The following PTPN21 variants were observed in gnomAD, a reference collection of about 807,000 sequenced individuals.
PTPN21 encodes the protein protein tyrosine phosphatase non-receptor type 21.
Under a neutral mutation model 131.8 loss-of-function variants are expected in PTPN21, and 77 were observed. That is an observed-to-expected ratio of 0.58 (90% CI 0.49 to 0.71). The LOEUF (loss-of-function observed/expected upper bound fraction) is 0.71. Among genes scored for constraint, PTPN21 ranks in the 30% least tolerant of loss-of-function variants. PTPN21 has a pLI of 0.00. For synonymous variants in PTPN21, 715 were observed against 621.3 expected (o/e 1.15, Z -2.24); for missense variants, 1,552 against 1,527.1 (o/e 1.02, Z -0.27).
At position 88,523,916 on chromosome 14, in the gene PTPN21, G is replaced by A. The variant is rs528482359; in HGVS notation, c.181-6655C>T. 8.5e-5 allele frequency among the ~76,000 whole-genome samples: 13 copies of A among 152,240 alleles called. No individual in the cohort carries two copies. In the South Asian group the frequency reaches 1.7e-3, roughly 19 times the overall value. ...GAACAAAATATGTAGGAATAAATTTGACCAAGAAGGTGAAAAGGCATATAC... is the reference window on the plus strand; with the variant it reads ...GAACAAAATATGTAGGAATAAATTTAACCAAGAAGGTGAAAAGGCATATAC... On this transcript the variant is annotated intron_variant, in intron 2 of 18. Transcript: ENST00000556564.
Position 88,504,479 on chromosome 14 carries a change from T to C in PTPN21, c.533A>G (p.Glu178Gly). The C allele has an allele frequency of 6.2e-7, 1 of 1,612,840 alleles. No homozygotes were observed. Among genetic ancestry groups the C allele is most frequent in the Non-Finnish European group, 8.5e-7 (1 of 1,178,868 alleles). ...ALFPVGWLQDEKVLEEATQKV... is the reference protein window; with the variant it reads ...ALFPVGWLQDGKVLEEATQKV... ...TTGGGTTGCTTCTTCCAATACTTTT[T>C]CATCTTGTAACCATCCCTGAAGAAA... is the stretch of plus-strand genomic sequence containing the variant. Residue 178 changes from glutamate to glycine, a missense_variant, in exon 6 of 19, where the codon GAA becomes GGA. Coordinates refer to ENST00000556564, the MANE Select transcript of PTPN21 (RefSeq NM_007039.4).
At chr14:88,521,038 G>T (rs894897430) in intron 2 of PTPN21, among the ~76,000 whole-genome samples, 2 of 151,934 alleles carry the variant, frequency 1.3e-5, no homozygotes, top group Middle Eastern at 3.4e-3. Context: ...GTCAAGAGAG[G>T]GTCTCACTAT....
At chr14:88,550,217 C>T (rs1566857553) in intron 2 of PTPN21, 21 bp downstream of exon 2, 1 of 1,607,088 alleles carries the variant, frequency 6.2e-7, no homozygotes, top group South Asian at 1.1e-5. Flanking sequence ...GCCTGGCCTG[C>T]AGTGTCTTTA....
At chr14:88,509,995 C>T (rs1288047472) in intron 3 of PTPN21, among the ~76,000 whole-genome samples, 1 of 151,942 alleles carries the variant, frequency 6.6e-6, no homozygotes, top group Non-Finnish European at 1.5e-5. Context: ...AAGATGGTGC[C>T]ATTGCACTCC....
rs748590887 is a variant in PTPN21, at chr14:88,468,079, CTTTT to C, written c.*54_*57del. On this transcript the variant is annotated 3_prime_UTR_variant, in exon 19 of 19. Transcript: ENST00000556564. ...CGGGAAAGTATGAGTTAGGCAAGCG[CTTTT>C]TTTTTAAGCTGTAAACGCTTCACAT... is the stretch of plus-strand genomic sequence containing the variant. 1.2e-5 allele frequency: 19 copies of C among 1,564,880 alleles called. No individual in the cohort carries two copies. The highest frequency in any genetic ancestry group is 8.2e-5 in the African/African-American group (6 of 73,054).
At chr14:88,530,266 T>C (rs1315098324) in intron 2 of PTPN21, among the ~76,000 whole-genome samples, 1 of 134,530 alleles carries the variant, frequency 7.4e-6, no homozygotes, top group African/African-American at 2.5e-5. Flanking sequence ...CTACAAAAAA[T>C]GCTGAAAGGA....
intron 3 of PTPN21, chr14:88,515,599 T>C (rs996759797): frequency 1.3e-5 from 2 of 152,212 alleles, no homozygotes; most frequent in South Asian, 2.1e-4. Context: ...TCCCCCTGCT[T>C]TGCAAAAACT....
chr14:88,515,714 A>C (rs974487663), intron 3 of PTPN21, among the ~76,000 whole-genome samples: 1 of 152,194 alleles, frequency 6.6e-6, no homozygotes, highest in Non-Finnish European at 1.5e-5. Flanking sequence ...CTTTAATTAA[A>C]GCATTTATTA....
rs1307487104 is a variant in PTPN21 at position 88,518,294 on chromosome 14, A to G, written c.181-1033T>C. Among the ~76,000 whole-genome samples the G allele has an allele frequency of 1.9e-4, 21 of 112,298 alleles. No homozygotes were observed. In the East Asian group the frequency reaches 4.9e-3, roughly 26 times the overall value. 73.7% of individuals were successfully genotyped at this position (112,298 alleles called of 152,430 possible). On this transcript the variant is annotated intron_variant, in intron 2 of 18. Transcript: ENST00000556564. Reference sequence around the variant, plus strand: ...TATATACACACACACATACGCACACACACACACATATATGTGTATATATAC... The same window carrying G: ...TATATACACACACACATACGCACACGCACACACATATATGTGTATATATAC...
At chr14:88,491,215 G>A (rs1269382037) in intron 10 of PTPN21, among the ~76,000 whole-genome samples, 1 of 152,136 alleles carries the variant, frequency 6.6e-6, no homozygotes, top group Admixed American at 6.6e-5. Context: ...GGGGGTGGAG[G>A]GAGAAGGCTG....
At chr14:88,537,061 C>G (rs935912753) in intron 2 of PTPN21, among the ~76,000 whole-genome samples, 1 of 152,102 alleles carries the variant, frequency 6.6e-6, no homozygotes, top group Non-Finnish European at 1.5e-5. Flanking sequence ...TTCTTCTATA[C>G]TTGATCAAAT....
chr14:88,546,851 T>C (rs1457059844), intron 2 of PTPN21, among the ~76,000 whole-genome samples: 1 of 152,200 alleles, frequency 6.6e-6, no homozygotes, highest in Admixed American at 6.5e-5. Context: ...AGATTAGGCC[T>C]GATGCCTGAG....
chr14:88,519,484 G>C (rs1477799317), intron 2 of PTPN21, among the ~76,000 whole-genome samples: 1 of 152,172 alleles, frequency 6.6e-6, no homozygotes, highest in Non-Finnish European at 1.5e-5. Flanking sequence ...AGTGGCTACT[G>C]TATTGGATAG....
chr14:88,520,533 A>T (rs1278640203), intron 2 of PTPN21, among the ~76,000 whole-genome samples: 2 of 152,246 alleles, frequency 1.3e-5, no homozygotes, highest in African/African-American at 4.8e-5. Context: ...ATGACATTTT[A>T]AAATGAATTG....
intron 8 of PTPN21, among the ~76,000 whole-genome samples, chr14:88,498,456 G>A (rs1056591043): frequency 1.3e-5 from 2 of 152,184 alleles, no homozygotes; most frequent in Admixed American, 1.3e-4. Context: ...TTGCTTGATG[G>A]AAGATCCCTC....
chr14:88,508,764 T>C (rs1234973949), intron 3 of PTPN21, among the ~76,000 whole-genome samples: 1 of 152,232 alleles, frequency 6.6e-6, no homozygotes, highest in African/African-American at 2.4e-5. Context: ...AAATGGTTTC[T>C]GATATTTCAG....
intron 2 of PTPN21, among the ~76,000 whole-genome samples, chr14:88,534,961 T>C (rs895885336): frequency 5.9e-5 from 9 of 152,320 alleles, no homozygotes; most frequent in Non-Finnish European, 1.3e-4. Flanking sequence ...ACTACTATAG[T>C]GCAACTTCCT....
intron 5 of PTPN21, among the ~76,000 whole-genome samples, chr14:88,505,033 T>C (rs1187516867): frequency 6.6e-6 from 1 of 152,196 alleles, no homozygotes; most frequent in East Asian, 1.9e-4. Context: ...AAGCTGAAAA[T>C]GAATCCTTCT....
At position 88,479,450 on chromosome 14, in the gene PTPN21, C is replaced by T. The variant is rs947569456; in HGVS notation, c.1981G>A (p.Ala661Thr). 6.2e-7 allele frequency: 1 copy of T among 1,602,168 alleles called. No individual in the cohort carries two copies. Among genetic ancestry groups the T allele is most frequent in the Non-Finnish European group, 8.5e-7 (1 of 1,178,598 alleles). The stretch of plus-strand genomic sequence containing the variant: ...ACGGCTCGCGGCGCCACCTCTGCCG[C>T]CGACGCGGATAGGGTGCGCTCCTTG... ...RLKERTLSAS[A>T]AEVAPRAVSV... Residue 661 changes from alanine (A) to threonine (T), a missense_variant, in exon 13 of 19, where the codon GCG (alanine) becomes ACG (threonine). Coordinates refer to ENST00000556564, the MANE Select transcript of PTPN21 (RefSeq NM_007039.4).
Sources: allele counts gnomAD v4.1 joint callset (sites outside exome capture counted in the v4.1 genomes callset), GRCh38; gene constraint gnomAD v4.1.1; transcripts MANE v1.5; gene names NCBI Gene and HGNC (gene_info 2026-07-23, HGNC 2026-07-21).